C1orf159: variants seen among roughly 807,000 people sequenced by gnomAD.
C1orf159 encodes the protein uncharacterized protein C1orf159.
In C1orf159, 19 loss-of-function variants were observed where a neutral mutation model predicts 25.6. The ratio of observed to expected loss-of-function variants is 0.74; its 90% CI spans 0.52 to 1.09. The LOEUF is 1.09. Ranked by LOEUF, C1orf159 falls within the 50% of genes least tolerant of loss-of-function variation. C1orf159 has a pLI of 0.00. For missense variants in C1orf159, 274 were observed against 290.6 expected (o/e 0.94, Z 0.42); for synonymous variants, 139 against 124.7 (o/e 1.12, Z -0.77).
At chr1:1,083,090 A>G (rs1392373932) in intron 9 of C1orf159, 103 bp from the exon 10 acceptor site, 5 of 955,272 alleles carry the variant, frequency 5.2e-6, no homozygotes, top group Non-Finnish European at 6.2e-6. Flanking sequence ...GGCATATGGC[A>G]CAGGCGCCCG....
rs964853060 is a variant in C1orf159, at chr1:1,082,621, C to G, written c.*272G>C. 45 of 486,618 alleles carry G rather than the reference C, an allele frequency of 9.2e-5. 1 individual carries two copies. In the East Asian group the frequency reaches 1.4e-3, roughly 15 times the overall value. 30.1% of individuals were successfully genotyped at this position (486,618 alleles called of 1,614,324 possible). ...GGCCTCACCGTGTTTCCTGGGGGGG[C>G]CCGGACCCCCCAAGGCCTCGATCTG... On this transcript the variant is annotated 3_prime_UTR_variant, in exon 10 of 10. Coordinates refer to ENST00000421241, the MANE Select transcript of C1orf159 (RefSeq NM_017891.5).
Position 1,082,800 on chromosome 1 carries a change from C to T in C1orf159, c.*93G>A, listed in dbSNP as rs955212980. The T allele has an allele frequency of 1.0e-5, 12 of 1,194,476 alleles. No homozygotes were observed. In the African/African-American group the frequency reaches 1.2e-4, roughly 12 times the overall value. 74.0% of individuals were successfully genotyped at this position (1,194,476 alleles called of 1,614,324 possible). A position where few individuals can be genotyped will look rare whatever the true frequency, so the allele number is the denominator to read the frequency against. On this transcript the variant is annotated 3_prime_UTR_variant, in exon 10 of 10. Transcript: ENST00000421241. ...GCTGTGCCCAGGACTGTCCCGGGCGCCGGGCGATGCCAACACTTTGTGCTG... is the reference window on the plus strand; with the variant it reads ...GCTGTGCCCAGGACTGTCCCGGGCGTCGGGCGATGCCAACACTTTGTGCTG...
Position 1,082,706 on chromosome 1 carries a change from G to C in C1orf159, c.*187C>G, listed in dbSNP as rs1308830420. ...CCGATAAACGAGATGGCTGTGGTGG[G>C]GAGGAGCCTCAGGCGGCCCGGGACC... On this transcript the variant is annotated 3_prime_UTR_variant, in exon 10 of 10. Transcript: ENST00000421241. 1.7e-6 allele frequency: 1 copy of C among 603,180 alleles called. No homozygotes were observed. Among genetic ancestry groups the C allele is most frequent in the African/African-American group, 1.9e-5 (1 of 53,868 alleles). The allele number at this position is 603,180 out of a possible 1,614,324, so 37.4% of individuals were successfully genotyped here. A position where few individuals can be genotyped will look rare whatever the true frequency, so the allele number is the denominator to read the frequency against.
chr1:1,092,639 G>C (rs1292457935), intron 1 of C1orf159: 1 of 152,908 alleles, frequency 6.5e-6, no homozygotes, highest in Non-Finnish European at 1.5e-5. Context: ...CCTGGGACAA[G>C]GGCTGTGAGC....
intron 1 of C1orf159, chr1:1,106,052 T>TA (rs1646166857): frequency 6.6e-6 from 1 of 151,994 alleles, no homozygotes; most frequent in Non-Finnish European, 1.5e-5. Context: ...AGGAACCACT[T>TA]AAAAAACAAC....
Position 1,087,661 on chromosome 1 carries a change from G to T in C1orf159, c.149-64C>A. 8.4e-7 allele frequency: 1 copy of T among 1,192,620 alleles called. No individual in the cohort carries two copies. The highest frequency in any genetic ancestry group is 1.2e-6 in the Non-Finnish European group (1 of 844,192). 73.9% of individuals were successfully genotyped at this position (1,192,620 alleles called of 1,614,324 possible). ...AATCCACACCAGCTGGGTCTCCTGG[G>T]AATGATTCTCTATTTGAGTTGGTGA... On this transcript the variant is annotated intron_variant, in intron 4 of 9. Coordinates refer to ENST00000421241, the MANE Select transcript of C1orf159 (RefSeq NM_017891.5). The surrounding 1 kb of genome is among the most constrained non-coding windows in gnomAD (Gnocchi z 8.3).
Position 1,097,631 on chromosome 1 carries a change from C to T in C1orf159, c.-135-5528G>A, listed in dbSNP as rs1364188642. Among the ~76,000 whole-genome samples, 9 of 148,242 alleles carry T rather than the reference C, an allele frequency of 6.1e-5. No homozygotes were observed. The East Asian group carries it at 1.8e-3, about 29-fold the overall frequency. On this transcript the variant is annotated intron_variant, in intron 1 of 9. Transcript: ENST00000421241. ...AGAGATGGGGTCTCCTTCTGATTCC[C>T]AGGCTGGTCTTAAACTCCTGGGTTC...
chr1:1,103,562 A>G (rs541693419), intron 1 of C1orf159, among the ~76,000 whole-genome samples: 4 of 152,234 alleles, frequency 2.6e-5, no homozygotes, highest in Admixed American at 6.5e-5. Flanking sequence ...TGCATGGCAC[A>G]GGGTGCACGC....
rs551941438 is a variant in C1orf159, at chr1:1,101,624, G to A, written c.-135-9521C>T. Among the ~76,000 whole-genome samples the A allele has an allele frequency of 6.6e-5, 10 of 152,036 alleles. No individual in the cohort carries two copies. The South Asian group carries it at 8.3e-4, about 13-fold the overall frequency. On this transcript the variant is annotated intron_variant, in intron 1 of 9. Transcript: ENST00000421241. ...AGCTCAGTCTATTGGCTCAGGGTCCGTCGGCTCATGGTCTATCAATCAGCT... is the reference window on the plus strand; with the variant it reads ...AGCTCAGTCTATTGGCTCAGGGTCCATCGGCTCATGGTCTATCAATCAGCT...
chr1:1,089,808 C>T lies in C1orf159; in HGVS notation c.148+545G>A, dbSNP rs1404080186. 6.6e-6 allele frequency among the ~76,000 whole-genome samples: 1 copy of T among 152,214 alleles called. No individual in the cohort carries two copies. The highest frequency in any genetic ancestry group is 1.5e-5 in the Non-Finnish European group (1 of 68,040). ...GGCTGCTCCCACTGGCTGCCCTCAC[C>T]AGCCTCAACCTCCTGACACCCAGCT... On this transcript the variant is annotated intron_variant, in intron 4 of 9. Transcript: ENST00000421241. This position sits in a 1 kb window ranked among gnomAD's most constrained non-coding sequence, Gnocchi z 7.5.
Position 1,093,719 on chromosome 1 carries a change from G to C in C1orf159, c.-135-1616C>G, listed in dbSNP as rs371525504. The stretch of plus-strand genomic sequence containing the variant: ...TCACCTGCCAGTGGGTGCCTGGGCT[G>C]CTCCCAGTTCCTGGTGACTGGATGG... On this transcript the variant is annotated intron_variant, in intron 1 of 9. Coordinates refer to ENST00000421241, the MANE Select transcript of C1orf159 (RefSeq NM_017891.5). Among the ~76,000 whole-genome samples the C allele has an allele frequency of 1.2e-3, 177 of 152,360 alleles. 1 individual carries two copies. Among genetic ancestry groups the C allele is most frequent in the African/African-American group, 4.1e-3 (169 of 41,586 alleles).
chr1:1,115,824 C>A (rs1646331940), intron 1 of C1orf159, among the ~76,000 whole-genome samples: 1 of 140,034 alleles, frequency 7.1e-6, no homozygotes. Flanking sequence ...GGGCGCCTTT[C>A]CCCCATAGGA....
At position 1,084,481 on chromosome 1, in the gene C1orf159, G is replaced by A. The variant is rs897059880; in HGVS notation, c.471C>T (p.Ala157=). Residue 157 remains alanine, a splice_region_variant and synonymous_variant, in exon 8 of 10, where the codon GCC becomes GCT. Coordinates refer to ENST00000421241, the MANE Select transcript of C1orf159 (RefSeq NM_017891.5). ...NKAPALQPGE[A]AAMIPPPQSS... Reference sequence around the variant, plus strand: ...AGCCCGGATGATGTGGGTTACTTACGGCTTCGCCAGGCTGCAGGGCCGGAG... The same window carrying A: ...AGCCCGGATGATGTGGGTTACTTACAGCTTCGCCAGGCTGCAGGGCCGGAG... 9.6e-6 allele frequency: 15 copies of A among 1,558,520 alleles called. No homozygotes were observed. Among genetic ancestry groups the A allele is most frequent in the African/African-American group, 1.4e-5 (1 of 73,386 alleles).
rs1645900436 is a variant in C1orf159 at position 1,089,927 on chromosome 1, C to T, written c.148+426G>A. ...ACACAGGCCGGCATCCTCGTGGCGT[C>T]CTGTTGATTGGCATTCCACTCCACG... On this transcript the variant is annotated intron_variant, in intron 4 of 9. Coordinates refer to ENST00000421241, the MANE Select transcript of C1orf159 (RefSeq NM_017891.5). This position sits in a 1 kb window ranked among gnomAD's most constrained non-coding sequence, Gnocchi z 7.5. Among the ~76,000 whole-genome samples, 2 of 152,220 alleles carry T rather than the reference C, an allele frequency of 1.3e-5. No homozygotes were observed. Among genetic ancestry groups the T allele is most frequent in the African/African-American group, 4.8e-5 (2 of 41,454 alleles).
chr1:1,098,809 G>A (rs1301626108), intron 1 of C1orf159, among the ~76,000 whole-genome samples: 5 of 152,144 alleles, frequency 3.3e-5, no homozygotes, highest in Non-Finnish European at 5.9e-5. Flanking sequence ...ATGGGGTTTC[G>A]CCATGTTGGC....
At chr1:1,102,367 A>G (rs1313543715) in intron 1 of C1orf159, among the ~76,000 whole-genome samples, 2 of 146,888 alleles carry the variant, frequency 1.4e-5, no homozygotes, top group Non-Finnish European at 3.0e-5. Context: ...TTTTCCTCCA[A>G]TCACTTCCAC....
chr1:1,086,788 G>A (rs1356336396), intron 6 of C1orf159, among the ~76,000 whole-genome samples: 1 of 151,952 alleles, frequency 6.6e-6, no homozygotes. Flanking sequence ...TGAGCCGTGA[G>A]TGTGAGCCTT....
rs994541140 is a variant in C1orf159, at chr1:1,091,515, G to C, written c.29C>G (p.Ala10Gly). Reference protein sequence around the residue: MALRHLALLAGLLVGVASKS... With the variant: MALRHLALLGGLLVGVASKS... Reference sequence around the variant, plus strand: ...GCTGGCGACTCCCACGAGAAGGCCAGCCAGGAGGGCGAGGTGCCGCAGCGC... The same window carrying C: ...GCTGGCGACTCCCACGAGAAGGCCACCCAGGAGGGCGAGGTGCCGCAGCGC... The change falls in exon 3 of 10, where the codon GCT becomes GGT. Residue 10 changes from alanine (A) to glycine (G), a missense_variant. Transcript: ENST00000421241. 6.5e-6 allele frequency: 10 copies of C among 1,550,170 alleles called. No homozygotes were observed. Among genetic ancestry groups the C allele is most frequent in the Non-Finnish European group, 8.7e-6 (10 of 1,146,914 alleles).
intron 1 of C1orf159, among the ~76,000 whole-genome samples, chr1:1,098,718 TCTC>T (rs1646045496): frequency 6.6e-6 from 1 of 152,228 alleles, no homozygotes; most frequent in Middle Eastern, 3.4e-3. Context: ...TTCACACCAT[TCTC>T]CTGCCTCAGC....
Sources: allele counts gnomAD v4.1 joint callset (sites outside exome capture counted in the v4.1 genomes callset), GRCh38; gene constraint gnomAD v4.1.1; non-coding constraint Gnocchi (gnomAD v3.1); transcripts MANE v1.5; gene names NCBI Gene and HGNC (gene_info 2026-07-23, HGNC 2026-07-21).